Variants in USP8 observed in about 807,000 individuals in gnomAD.
The protein encoded by USP8 is ubiquitin specific peptidase 8, also known as ubiquitin carboxyl-terminal hydrolase 8.
Under a neutral mutation model 130.0 loss-of-function variants are expected in USP8, and 27 were observed. The observed-to-expected ratio is 0.21, with a 90% confidence interval of 0.15 to 0.29. The LOEUF (loss-of-function observed/expected upper bound fraction) is 0.29, where lower values mean the gene tolerates loss of function less well. Among genes scored for constraint, USP8 ranks in the 10% least tolerant of loss-of-function variants. The pLI is 1.00. For synonymous variants in USP8, 392 were observed against 444.1 expected (o/e 0.88, Z 1.48); for missense variants, 1,029 against 1,312.2 (o/e 0.78, Z 3.33).
intron 1 of USP8, among the ~76,000 whole-genome samples, chr15:50,430,068 G>A (rs920744392): frequency 1.3e-5 from 2 of 152,124 alleles, no homozygotes; most frequent in African/African-American, 2.4e-5. Context: ...CTTTGTTACC[G>A]TTATGTACTT....
chr15:50,471,135 A>G (rs893030181), intron 7 of USP8, among the ~76,000 whole-genome samples: 1 of 152,200 alleles, frequency 6.6e-6, no homozygotes, highest in African/African-American at 2.4e-5. Context: ...TGTTGTGAAG[A>G]CTCAATGAGT....
chr15:50,494,386 G>A (rs2052292244), intron 16 of USP8, 106 bp downstream of exon 16: 2 of 927,750 alleles, frequency 2.2e-6, no homozygotes, highest in South Asian at 1.8e-5. Context: ...TTCAGTGCTT[G>A]TTTATTCAAA....
At chr15:50,460,245 G>A (rs1450040654) in intron 5 of USP8, among the ~76,000 whole-genome samples, 1 of 146,062 alleles carries the variant, frequency 6.8e-6, no homozygotes, top group Non-Finnish European at 1.5e-5. Flanking sequence ...TGATCTGCCT[G>A]CCTCAGCCTT....
chr15:50,452,618 T>C (rs1222392936), intron 4 of USP8, among the ~76,000 whole-genome samples: 11 of 152,306 alleles, frequency 7.2e-5, no homozygotes, highest in Non-Finnish European at 1.3e-4. Context: ...AGAAGAAATA[T>C]AGAGCAGTAG....
Position 50,513,147 on chromosome 15 carries a change from T to A in USP8, c.*14059T>A, listed in dbSNP as rs1389928486. 6.6e-6 allele frequency: 1 copy of A among 152,194 alleles called. No individual in the cohort carries two copies. The highest frequency in any genetic ancestry group is 1.5e-5 in the Non-Finnish European group (1 of 68,030). The allele number at this position is 152,194 out of a possible 1,614,324, so 9.4% of individuals were successfully genotyped here. A position where few individuals can be genotyped will look rare whatever the true frequency, so the allele number is the denominator to read the frequency against. On this transcript the variant is annotated 3_prime_UTR_variant, in exon 20 of 20. Coordinates refer to ENST00000307179, the MANE Select transcript of USP8 (RefSeq NM_005154.5). ...ATCCTGGTAGGGGTATGTATTGGTATAATCACTTGTAGAAAGTTAAATATG... is the reference window on the plus strand; with the variant it reads ...ATCCTGGTAGGGGTATGTATTGGTAAAATCACTTGTAGAAAGTTAAATATG...
chr15:50,500,818 T>C lies in USP8; in HGVS notation c.*1730T>C, dbSNP rs896237912. The C allele has an allele frequency of 1.2e-5, 19 of 1,585,488 alleles. No individual in the cohort carries two copies. The highest frequency in any genetic ancestry group is 1.6e-5 in the Non-Finnish European group (19 of 1,165,266). Reference sequence around the variant, plus strand: ...GCAGAAAGCAGTGTAGTGGCCACCATCCAAATCACCAAAATGGTTCTATGG... The same window carrying C: ...GCAGAAAGCAGTGTAGTGGCCACCACCCAAATCACCAAAATGGTTCTATGG... On this transcript the variant is annotated 3_prime_UTR_variant, in exon 20 of 20. Transcript: ENST00000307179.
chr15:50,430,317 A>G lies in USP8; in HGVS notation c.-66+5803A>G, dbSNP rs543000374. Among the ~76,000 whole-genome samples, 79 of 152,290 alleles carry G rather than the reference A, an allele frequency of 5.2e-4. 1 individual carries two copies. In the South Asian group the frequency reaches 0.015, roughly 29 times the overall value. On this transcript the variant is annotated intron_variant, in intron 1 of 19. Transcript: ENST00000307179. The stretch of plus-strand genomic sequence containing the variant: ...AGCCGAGATTGCGCCACTGCTCTCC[A>G]GCCTGGACAGCAGAGTGAGACGTCA...
chr15:50,462,514 G>T lies in USP8; in HGVS notation c.541+192G>T, dbSNP rs567931964. Among the ~76,000 whole-genome samples the T allele has an allele frequency of 3.3e-5, 5 of 152,148 alleles. No individual in the cohort carries two copies. In the South Asian group the frequency reaches 8.3e-4, roughly 25 times the overall value. On this transcript the variant is annotated intron_variant, in intron 6 of 19. Transcript: ENST00000307179. ...TTATTTTTATGTATTTATCATGGGGGGATATTTTATGAATAATTTTAACCT... is the reference window on the plus strand; with the variant it reads ...TTATTTTTATGTATTTATCATGGGGTGATATTTTATGAATAATTTTAACCT...
intron 1 of USP8, among the ~76,000 whole-genome samples, chr15:50,435,161 C>G (rs926837391): frequency 6.6e-6 from 1 of 151,998 alleles, no homozygotes; most frequent in Non-Finnish European, 1.5e-5. Flanking sequence ...TCTTTAATGG[C>G]AAAATGCAGC....
chr15:50,439,408 T>G (rs182052541), intron 2 of USP8, among the ~76,000 whole-genome samples: 1 of 152,230 alleles, frequency 6.6e-6, no homozygotes, highest in Admixed American at 6.5e-5. Flanking sequence ...GATCTCTAGG[T>G]CATAAAGTTT....
At position 50,492,801 on chromosome 15, in the gene USP8, C is replaced by T. The variant is rs1000613362; in HGVS notation, c.2335C>T (p.Leu779Phe). The change falls in exon 15 of 20, where the codon CTT becomes TTT. Residue 779 changes from leucine (L) to phenylalanine (F), a missense_variant. By Grantham distance (22) the Leu-to-Phe change is conservative. Transcript: ENST00000307179. ...FGGSGPALTG[L>F]RNLGNTCYMN... ...AGGTTCTGGACCAGCTCTTACTGGA[C>T]TTCGTAACTTAGGAAATACTTGTTA... 1 of 1,614,150 alleles carries T rather than the reference C, an allele frequency of 6.2e-7. No individual in the cohort carries two copies. The highest frequency in any genetic ancestry group is 8.5e-7 in the Non-Finnish European group (1 of 1,180,026).
intron 3 of USP8, among the ~76,000 whole-genome samples, chr15:50,445,519 C>T (rs2050399356): frequency 9.4e-6 from 1 of 105,968 alleles, no homozygotes; most frequent in African/African-American, 3.7e-5. Flanking sequence ...GCACTCCAGC[C>T]TGGGCGACAG....
At chr15:50,438,919 G>A in intron 1 of USP8, 90 bp from the exon 2 acceptor site, 3 of 547,020 alleles carry the variant, frequency 5.5e-6, no homozygotes, top group East Asian at 3.2e-5. Flanking sequence ...TGTTAGCAAA[G>A]GATATGGTTT....
intron 4 of USP8, among the ~76,000 whole-genome samples, chr15:50,453,796 A>C (rs1273508540): frequency 1.3e-5 from 2 of 149,366 alleles, no homozygotes; most frequent in East Asian, 3.9e-4. Context: ...TTAGGCACAT[A>C]GTTACAGTTT....
chr15:50,447,487 C>T (rs1159590754), intron 3 of USP8, among the ~76,000 whole-genome samples: 2 of 152,012 alleles, frequency 1.3e-5, no homozygotes, highest in East Asian at 3.9e-4. Flanking sequence ...GTGATCCACC[C>T]ACCTCAGCCT....
rs774350299 is a variant in USP8, at chr15:50,481,979, A to G, written c.1717A>G (p.Lys573Glu). ...CAAGAAATCTGTAGAAGATAGGGGGAAAAGGTGTCCAACCCCAGAAATACA... is the reference window on the plus strand; with the variant it reads ...CAAGAAATCTGTAGAAGATAGGGGGGAAAGGTGTCCAACCCCAGAAATACA... ...DAKKSVEDRG[K>E]RCPTPEIQKK... Residue 573 changes from lysine (K) to glutamate (E), a missense_variant, in exon 11 of 20, where the codon AAA becomes GAA. This residue lies in a region of USP8 where 486 missense variants were observed against 522.0 expected (regional missense o/e 0.93). Transcript: ENST00000307179. 4 of 1,593,018 alleles carry G rather than the reference A, an allele frequency of 2.5e-6. No homozygotes were observed. In the Admixed American group the frequency reaches 7.5e-5, roughly 30 times the overall value.
In USP8 at chr15:50,503,357, G is replaced by T. The variant is rs898163258; in HGVS notation, c.*4269G>T. On this transcript the variant is annotated 3_prime_UTR_variant, in exon 20 of 20. Coordinates refer to ENST00000307179, the MANE Select transcript of USP8 (RefSeq NM_005154.5). Reference sequence around the variant, plus strand: ...AAACAGGAAATTTAACAACAGTATGGTGTGTGGTTTATGCTTTGTGACTGC... The same window carrying T: ...AAACAGGAAATTTAACAACAGTATGTTGTGTGGTTTATGCTTTGTGACTGC... The T allele has an allele frequency of 2.6e-5, 4 of 152,272 alleles. No homozygotes were observed. Among genetic ancestry groups the T allele is most frequent in the Non-Finnish European group, 5.9e-5 (4 of 68,108 alleles). 9.4% of individuals were successfully genotyped at this position (152,272 alleles called of 1,614,324 possible).
At position 50,482,012 on chromosome 15, in the gene USP8, T is replaced by A. The variant is rs956538044; in HGVS notation, c.1750T>A (p.Ser584Thr). The change falls in exon 11 of 20, where the codon TCA (serine) becomes ACA (threonine). Residue 584 changes from serine to threonine, a missense_variant. Coordinates refer to ENST00000307179, the MANE Select transcript of USP8 (RefSeq NM_005154.5). Reference protein sequence around the residue: ...RCPTPEIQKKSTGDVPHTSVT... With the variant: ...RCPTPEIQKKTTGDVPHTSVT... ...TCCAACCCCAGAAATACAGAAAAAG[T>A]CAACAGGAGATGTGCCCCATACATC... is the stretch of plus-strand genomic sequence containing the variant. 1 of 1,570,768 alleles carries A rather than the reference T, an allele frequency of 6.4e-7. No individual in the cohort carries two copies. The highest frequency in any genetic ancestry group is 1.7e-4 in the Middle Eastern group (1 of 5,870).
At chr15:50,454,179 A>G (rs2050715421) in intron 4 of USP8, among the ~76,000 whole-genome samples, 1 of 151,940 alleles carries the variant, frequency 6.6e-6, no homozygotes, top group Admixed American at 6.6e-5. Flanking sequence ...CTTCATTCTT[A>G]AGGGATTTTA....
Sources: allele counts gnomAD v4.1 joint callset (sites outside exome capture counted in the v4.1 genomes callset), GRCh38; gene constraint gnomAD v4.1.1; regional missense constraint gnomAD v4.1.1; transcripts MANE v1.5; gene names NCBI Gene and HGNC (gene_info 2026-07-23, HGNC 2026-07-21).